Variants in OR2T6 observed in about 807,000 individuals in gnomAD.
OR2T6 encodes the protein olfactory receptor family 2 subfamily T member 6.
For synonymous variants in OR2T6, 174 were observed against 148.0 expected (o/e 1.18, Z -1.27); for missense variants, 424 against 391.6 (o/e 1.08, Z -0.70).
chr1:248,388,401 T>C lies in OR2T6; in HGVS notation c.793T>C (p.Tyr265His). The C allele has an allele frequency of 6.2e-7, 1 of 1,613,790 alleles. No homozygotes were observed. Among genetic ancestry groups the C allele is most frequent in the Non-Finnish European group, 8.5e-7 (1 of 1,179,824 alleles). Residue 265 changes from tyrosine (Y) to histidine (H), a missense_variant, in exon 3 of 3, where the codon TAC (tyrosine) becomes CAC (histidine). Coordinates refer to ENST00000641644, the MANE Select transcript of OR2T6 (RefSeq NM_001005471.2). Reference sequence around the variant, plus strand: ...GTATACGTATACGCTTCCCCAATCTTACCACACCCCAATCAAAGATAAGGT... The same window carrying C: ...GTATACGTATACGCTTCCCCAATCTCACCACACCCCAATCAAAGATAAGGT... ...ALYTYTLPQS[Y>H]HTPIKDKVFS...
chr1:248,387,141 A>G (rs1661147471), intron 2 of OR2T6, among the ~76,000 whole-genome samples: 1 of 152,238 alleles, frequency 6.6e-6, no homozygotes, highest in Non-Finnish European at 1.5e-5. Flanking sequence ...TCTACAATTT[A>G]TGGTTATTTC....
intron 2 of OR2T6, 59 bp from the exon 3 acceptor site, chr1:248,387,546 T>C: frequency 9.4e-7 from 1 of 1,059,436 alleles, no homozygotes; most frequent in South Asian, 2.1e-5. Context: ...TTAAGTGATT[T>C]ATCTTTTGTC....
At chr1:248,378,131 T>C (rs964089771) in intron 1 of OR2T6, among the ~76,000 whole-genome samples, 1 of 152,206 alleles carries the variant, frequency 6.6e-6, no homozygotes, top group Non-Finnish European at 1.5e-5. Flanking sequence ...ATACTATTTA[T>C]TTCCTCAGAA....
At chr1:248,382,951 C>T (rs950919387) in intron 1 of OR2T6, among the ~76,000 whole-genome samples, 3 of 152,232 alleles carry the variant, frequency 2.0e-5, no homozygotes, top group Non-Finnish European at 4.4e-5. Flanking sequence ...TTTCTTGTAA[C>T]GTCTCATCCT....
chr1:248,382,534 TTC>T (rs141039859), intron 1 of OR2T6, among the ~76,000 whole-genome samples: 8,492 of 95,696 alleles, frequency 0.089, 921 homozygotes, highest in African/African-American at 0.36. Flanking sequence ...CTTTCTTTCT[TTC>T]TTTTTTTTTT....
In OR2T6 at chr1:248,390,172, A is replaced by G. The variant is rs1311816132; in HGVS notation, c.*1637A>G. 2 of 152,226 alleles carry G rather than the reference A, an allele frequency of 1.3e-5. No individual in the cohort carries two copies. The highest frequency in any genetic ancestry group is 2.9e-5 in the Non-Finnish European group (2 of 68,034). 9.4% of individuals were successfully genotyped at this position (152,226 alleles called of 1,614,324 possible). ...CTTATCCTTGTTGGAAAAGTGCTCTATGAAATATAAAATAAAGTCTTTTTC... is the reference window on the plus strand; with the variant it reads ...CTTATCCTTGTTGGAAAAGTGCTCTGTGAAATATAAAATAAAGTCTTTTTC... On this transcript the variant is annotated 3_prime_UTR_variant, in exon 3 of 3. Transcript: ENST00000641644.
intron 1 of OR2T6, among the ~76,000 whole-genome samples, chr1:248,380,501 T>G (rs28719164): frequency 0.59 from 89,260 of 151,762 alleles, 28,555 homozygotes; most frequent in South Asian, 0.77. Context: ...GTCTTTCTCT[T>G]ATTTAAATGT....
In OR2T6 at chr1:248,388,750, C is replaced by T; in HGVS notation, c.*215C>T. On this transcript the variant is annotated 3_prime_UTR_variant, in exon 3 of 3. Transcript: ENST00000641644. ...AATAATGCCAGAGTTCTAGAAACAC[C>T]ACTCATGTTTATTCTTCTTTTGTTT... 4.4e-6 allele frequency: 2 copies of T among 451,182 alleles called. No individual in the cohort carries two copies. Among genetic ancestry groups the T allele is most frequent in the Non-Finnish European group, 7.8e-6 (2 of 257,634 alleles). 27.9% of individuals were successfully genotyped at this position (451,182 alleles called of 1,614,324 possible).
intron 1 of OR2T6, among the ~76,000 whole-genome samples, chr1:248,378,759 C>T (rs912283043): frequency 1.3e-5 from 2 of 152,116 alleles, no homozygotes; most frequent in East Asian, 3.8e-4. Context: ...TTGACAAATT[C>T]CTCTAGAATA....
intron 1 of OR2T6, among the ~76,000 whole-genome samples, chr1:248,378,128 T>C (rs1198376327): frequency 6.6e-6 from 1 of 152,192 alleles, no homozygotes; most frequent in African/African-American, 2.4e-5. Context: ...TTCATACTAT[T>C]TATTTCCTCA....
intron 2 of OR2T6, among the ~76,000 whole-genome samples, chr1:248,386,147 T>C (rs1003331256): frequency 2.6e-5 from 4 of 152,200 alleles, no homozygotes; most frequent in Non-Finnish European, 4.4e-5. Flanking sequence ...CTGTCTGGTG[T>C]AACACCTGAG....
At chr1:248,376,626 C>G (rs755269543) in intron 1 of OR2T6, among the ~76,000 whole-genome samples, 1 of 151,412 alleles carries the variant, frequency 6.6e-6, no homozygotes, top group Non-Finnish European at 1.5e-5. Context: ...AATACCCACT[C>G]ATGTATGTAT....
At chr1:248,385,525 C>G (rs28738670) in intron 2 of OR2T6, among the ~76,000 whole-genome samples, 2 of 151,996 alleles carry the variant, frequency 1.3e-5, no homozygotes, top group Non-Finnish European at 2.9e-5. Context: ...TAGTCTTTTA[C>G]GAGTCCATAT....
Position 248,389,165 on chromosome 1 carries a change from G to A in OR2T6, c.*630G>A, listed in dbSNP as rs1193025950. 1 of 152,200 alleles carries A rather than the reference G, an allele frequency of 6.6e-6. No homozygotes were observed. Among genetic ancestry groups the A allele is most frequent in the Non-Finnish European group, 1.5e-5 (1 of 68,050 alleles). The allele number at this position is 152,200 out of a possible 1,614,324, so 9.4% of individuals were successfully genotyped here. A position where few individuals can be genotyped will look rare whatever the true frequency, so the allele number is the denominator to read the frequency against. On this transcript the variant is annotated 3_prime_UTR_variant, in exon 3 of 3. Transcript: ENST00000641644. ...GCCAAGACTAAATCTTTATGGGGGA[G>A]GGAGTCTGTAATGTTAGTTTTTTAA...
intron 1 of OR2T6, among the ~76,000 whole-genome samples, chr1:248,382,539 T>TC (rs1371407787): frequency 7.9e-6 from 1 of 126,822 alleles, no homozygotes; most frequent in African/African-American, 5.0e-5. Flanking sequence ...TTTCTTTCTT[T>TC]TTTTTTTTTT....
intron 2 of OR2T6, among the ~76,000 whole-genome samples, chr1:248,385,176 T>A (rs185100301): frequency 7.9e-5 from 12 of 152,318 alleles, no homozygotes; most frequent in Admixed American, 2.0e-4. Context: ...CAATCCTTTT[T>A]CTGAGTGGTT....
At chr1:248,379,526 G>T (rs966532632) in intron 1 of OR2T6, among the ~76,000 whole-genome samples, 1 of 152,258 alleles carries the variant, frequency 6.6e-6, no homozygotes, top group African/African-American at 2.4e-5. Flanking sequence ...TTTGAAGGGG[G>T]ATAGAATGGG....
intron 1 of OR2T6, among the ~76,000 whole-genome samples, chr1:248,382,788 T>C (rs1661062424): frequency 6.6e-6 from 1 of 152,194 alleles, no homozygotes. Flanking sequence ...CCTCCCAAAA[T>C]GCTGGGATTA....
chr1:248,377,130 G>A (rs551555189), intron 1 of OR2T6, among the ~76,000 whole-genome samples: 3 of 152,268 alleles, frequency 2.0e-5, no homozygotes, highest in South Asian at 2.1e-4. Context: ...TTGAAAGCAC[G>A]GGCATAACAC....
Sources: gnomAD v4.1 joint callset for allele counts (sites outside exome capture counted in the v4.1 genomes callset) on GRCh38, gnomAD v4.1.1 for gene constraint, MANE v1.5 for transcripts, NCBI Gene and HGNC (gene_info 2026-07-23, HGNC 2026-07-21) for gene names.